The following ATXN1 variants were observed in gnomAD, a reference collection of about 807,000 sequenced individuals.
ATXN1 encodes ataxin-1.
ATXN1 carries 8 observed loss-of-function variants against 56.4 expected under a neutral mutation model. The ratio of observed to expected loss-of-function variants is 0.14; its 90% CI spans 0.08 to 0.26. The LOEUF is 0.26. Ranked by LOEUF, ATXN1 falls within the 10% of genes least tolerant of loss-of-function variation. ATXN1 has a pLI of 1.00. For synonymous variants in ATXN1, 514 were observed against 494.6 expected, an observed-to-expected ratio of 1.04 and a Z score of -0.52; for missense variants, 987 against 1,106.5, an observed-to-expected ratio of 0.89 and a Z score of 1.53.
intron 1 of ATXN1, among the ~76,000 whole-genome samples, chr6:16,756,746 T>C (rs978869999): frequency 1.3e-5 from 2 of 152,258 alleles, no homozygotes; most frequent in Admixed American, 1.3e-4. Flanking sequence ...GATCCTAATC[T>C]ATGTGTTATT....
chr6:16,415,682 A>G (rs1758888694), intron 6 of ATXN1, among the ~76,000 whole-genome samples: 1 of 152,248 alleles, frequency 6.6e-6, no homozygotes, highest in Non-Finnish European at 1.5e-5. Context: ...GCCTTGGGAA[A>G]GAGCTGGGAC....
At chr6:16,563,801 C>T (rs1762164013) in intron 4 of ATXN1, among the ~76,000 whole-genome samples, 2 of 148,000 alleles carry the variant, frequency 1.4e-5, no homozygotes, top group South Asian at 2.1e-4. Context: ...TCCATGACGC[C>T]GCTGCACTCA....
chr6:16,538,639 G>A (rs1192036513), intron 4 of ATXN1, among the ~76,000 whole-genome samples: 3 of 141,418 alleles, frequency 2.1e-5, no homozygotes, highest in African/African-American at 8.1e-5. Flanking sequence ...GTGTCCATGT[G>A]TTCTCATTGT....
At chr6:16,755,454 C>A (rs1760858183) in intron 1 of ATXN1, among the ~76,000 whole-genome samples, 1 of 151,964 alleles carries the variant, frequency 6.6e-6, no homozygotes, top group South Asian at 2.1e-4. Context: ...TAATACAATA[C>A]TATTAATATT....
At chr6:16,758,573 G>T (rs777571581) in intron 1 of ATXN1, among the ~76,000 whole-genome samples, 3 of 152,204 alleles carry the variant, frequency 2.0e-5, no homozygotes, top group Non-Finnish European at 4.4e-5. Flanking sequence ...AAATAGTGGA[G>T]TCTCTCGTCT....
intron 4 of ATXN1, among the ~76,000 whole-genome samples, chr6:16,546,120 A>C (rs1403948384): frequency 1.3e-5 from 2 of 152,202 alleles, no homozygotes; most frequent in East Asian, 3.8e-4. Context: ...GGCGATGGGA[A>C]GAATCAAGGT....
chr6:16,598,519 C>T (rs7748037), intron 3 of ATXN1, among the ~76,000 whole-genome samples: 1 of 152,268 alleles, frequency 6.6e-6, no homozygotes, highest in East Asian at 1.9e-4. Flanking sequence ...CAAGTTCATC[C>T]GCTGTAAAAG....
chr6:16,709,057 G>C (rs1458919561), intron 2 of ATXN1, among the ~76,000 whole-genome samples: 2 of 150,472 alleles, frequency 1.3e-5, no homozygotes, highest in East Asian at 1.9e-4. Context: ...AAGAAAAAGA[G>C]AAAGGAAGGA....
chr6:16,489,625 G>A (rs1760619411), intron 5 of ATXN1, among the ~76,000 whole-genome samples: 2 of 152,112 alleles, frequency 1.3e-5, no homozygotes, highest in Non-Finnish European at 2.9e-5. Flanking sequence ...AGACCTCTGA[G>A]GCAGTGATAT....
rs925047409 is a variant in ATXN1, at chr6:16,579,489, C to G, written c.-361+6291G>C. ...GAGTACCTTGGTCAAAGCCCCCCCC[C>G]CCCACCCGCCGATTCATTCCCAAGT... On this transcript the variant is annotated intron_variant, in intron 4 of 7. Transcript: ENST00000436367. 3.8e-4 allele frequency among the ~76,000 whole-genome samples: 15 copies of G among 39,158 alleles called. 3 individuals are homozygous for G. Among genetic ancestry groups the G allele is most frequent in the East Asian group, 3.7e-3 (3 of 806 alleles). 25.7% of individuals were successfully genotyped at this position (39,158 alleles called of 152,430 possible).
intron 6 of ATXN1, among the ~76,000 whole-genome samples, chr6:16,338,917 A>C (rs1761183576): frequency 6.6e-6 from 1 of 152,192 alleles, no homozygotes; most frequent in Non-Finnish European, 1.5e-5. Flanking sequence ...CACACCAACA[A>C]GAAGGAAGGC....
Position 16,326,591 on chromosome 6 carries a change from A to G in ATXN1, c.1720T>C (p.Phe574Leu). The G allele has an allele frequency of 6.2e-7, 1 of 1,614,102 alleles. No homozygotes were observed. Among genetic ancestry groups the G allele is most frequent in the Non-Finnish European group, 8.5e-7 (1 of 1,180,020 alleles). ...AACTGGATGATGGAGCCTTTCATGA[A>G]GTAGGGAGGCAGCGTAGGGGGAGCC... ...AAAPPTLPPY[F>L]MKGSIIQLAN... Residue 574 changes from phenylalanine (F) to leucine (L), a missense_variant, in exon 7 of 8, where the codon TTC (phenylalanine) becomes CTC (leucine). Coordinates refer to ENST00000436367, the MANE Select transcript of ATXN1 (RefSeq NM_001128164.2). This position sits in a 1 kb window ranked among gnomAD's most constrained non-coding sequence, Gnocchi z 6.6.
chr6:16,569,826 T>C (rs548182684), intron 4 of ATXN1, among the ~76,000 whole-genome samples: 4 of 152,282 alleles, frequency 2.6e-5, no homozygotes, highest in African/African-American at 7.2e-5. Flanking sequence ...AAGTGGTATA[T>C]GCCAATTTCA....
chr6:16,339,758 G>A (rs1761203330), intron 6 of ATXN1, among the ~76,000 whole-genome samples: 1 of 152,190 alleles, frequency 6.6e-6, no homozygotes, highest in East Asian at 1.9e-4. Context: ...CTTGGGTTGT[G>A]TAGTGGGTCA....
intron 3 of ATXN1, among the ~76,000 whole-genome samples, chr6:16,632,532 T>C (rs1314048219): frequency 6.6e-6 from 1 of 152,072 alleles, no homozygotes; most frequent in Non-Finnish European, 1.5e-5. Context: ...GAGGGGGCCA[T>C]GCCACCAGCA....
intron 2 of ATXN1, among the ~76,000 whole-genome samples, chr6:16,701,235 ACATG>A (rs1268504414): frequency 6.6e-6 from 1 of 152,252 alleles, no homozygotes; most frequent in Non-Finnish European, 1.5e-5. Context: ...TTTTTATGAC[ACATG>A]TTGAAACTAA....
rs2113626736 is a variant in ATXN1 at position 16,461,509 on chromosome 6, A to T, written c.-161+24463T>A. The stretch of plus-strand genomic sequence containing the variant: ...GTAAGGCCCCTTTTGGGGAACAAAG[A>T]ATAGGTCACTATCCTGGAGAGGACT... On this transcript the variant is annotated intron_variant, in intron 6 of 7. Transcript: ENST00000436367. Among the ~76,000 whole-genome samples, 4 of 152,336 alleles carry T rather than the reference A, an allele frequency of 2.6e-5. No homozygotes were observed. In the Middle Eastern group the frequency reaches 0.014, roughly 518 times the overall value.
chr6:16,632,064 TGAG>T (rs1200029586), intron 3 of ATXN1, among the ~76,000 whole-genome samples: 2 of 152,176 alleles, frequency 1.3e-5, no homozygotes, highest in African/African-American at 4.8e-5. Context: ...CATGGGGTAG[TGAG>T]GAGGTTTAAA....
Position 16,301,097 on chromosome 6 carries a change from T to A in ATXN1, c.*5232A>T, listed in dbSNP as rs917367480. Reference sequence around the variant, plus strand: ...CAACCCTTCTCTGCTTTTTTTTTTTTACAAACAAAGTATGAAACTCATTGT... The same window carrying A: ...CAACCCTTCTCTGCTTTTTTTTTTTAACAAACAAAGTATGAAACTCATTGT... On this transcript the variant is annotated 3_prime_UTR_variant, in exon 8 of 8. Transcript: ENST00000436367. 1.3e-5 allele frequency: 2 copies of A among 152,242 alleles called. No individual in the cohort carries two copies. The highest frequency in any genetic ancestry group is 2.4e-5 in the African/African-American group (1 of 41,314). 9.4% of individuals were successfully genotyped at this position (152,242 alleles called of 1,614,324 possible). A position where few individuals can be genotyped will look rare whatever the true frequency, so the allele number is the denominator to read the frequency against.
Sources: gnomAD v4.1 joint callset for allele counts (sites outside exome capture counted in the v4.1 genomes callset) on GRCh38, gnomAD v4.1.1 for gene constraint, Gnocchi (gnomAD v3.1) non-coding constraint, MANE v1.5 for transcripts, NCBI Gene and HGNC (gene_info 2026-07-23, HGNC 2026-07-21) for gene names.